Variants in SMPDL3B observed in about 807,000 individuals in gnomAD.
SMPDL3B encodes the protein sphingomyelin phosphodiesterase acid like 3B, also known as acid sphingomyelinase-like phosphodiesterase 3b.
Under a neutral mutation model 37.9 loss-of-function variants are expected in SMPDL3B, and 31 were observed. The ratio of observed to expected loss-of-function variants is 0.82; its 90% CI spans 0.61 to 1.10. SMPDL3B has a LOEUF of 1.10. Among genes scored for constraint, SMPDL3B ranks in the 50% least tolerant of loss-of-function variants. The pLI is 0.00. For missense variants in SMPDL3B, 525 were observed against 597.8 expected, an observed-to-expected ratio of 0.88 and a Z score of 1.27; for synonymous variants, 235 against 242.6, an observed-to-expected ratio of 0.97 and a Z score of 0.29.
chr1:27,957,660 G>A (rs1371549560), intron 7 of SMPDL3B, among the ~76,000 whole-genome samples: 2 of 152,128 alleles, frequency 1.3e-5, no homozygotes, highest in African/African-American at 4.8e-5. Flanking sequence ...GGGGTTTAAA[G>A]AGTGGCCTGT....
intron 7 of SMPDL3B, chr1:27,956,338 G>A (rs1638274272): frequency 5.0e-6 from 7 of 1,390,652 alleles, no homozygotes; most frequent in Non-Finnish European, 6.7e-6. Context: ...CTCTGGCCCT[G>A]CCCTGCTATG....
chr1:27,942,380 G>A (rs1248986104), intron 1 of SMPDL3B: 2 of 469,964 alleles, frequency 4.3e-6, no homozygotes, highest in Non-Finnish European at 8.8e-6. Flanking sequence ...AGCCACTCAC[G>A]GTCTCAGCTC....
intron 1 of SMPDL3B, among the ~76,000 whole-genome samples, chr1:27,939,590 AG>A (rs2090340110): frequency 6.6e-6 from 1 of 152,142 alleles, no homozygotes; most frequent in South Asian, 2.1e-4. Context: ...AGGCCGAGGC[AG>A]GCAGATCACT....
intron 7 of SMPDL3B, chr1:27,956,475 C>G: frequency 8.3e-7 from 1 of 1,197,852 alleles, no homozygotes; most frequent in South Asian, 2.5e-5. Flanking sequence ...TCTCCTTGAC[C>G]TAGTACTCAA....
chr1:27,951,670 G>C (rs1278831770), intron 3 of SMPDL3B, among the ~76,000 whole-genome samples: 1 of 152,162 alleles, frequency 6.6e-6, no homozygotes, highest in East Asian at 1.9e-4. Context: ...AACATAGCAA[G>C]ACCCTGCTTC....
chr1:27,958,452 G>C lies in SMPDL3B; in HGVS notation c.1006-24G>C. On this transcript the variant is annotated intron_variant, in intron 7 of 7. Transcript: ENST00000373894. This position sits in a 1 kb window ranked among gnomAD's most constrained non-coding sequence, Gnocchi z 5.6. ...GGAAGCAGACAACTGCTCACAGCCG[G>C]TCTACCCCAAACCCTTTTTCCAGGA... is the stretch of plus-strand genomic sequence containing the variant. The C allele has an allele frequency of 6.3e-7, 1 of 1,578,288 alleles. No individual in the cohort carries two copies. Among genetic ancestry groups the C allele is most frequent in the South Asian group, 1.1e-5 (1 of 87,258 alleles).
chr1:27,958,495 T>C lies in SMPDL3B; in HGVS notation c.1025T>C (p.Met342Thr), dbSNP rs1638363225. ...LSLKDMVTYF[M>T]NLSQANAQGT... is the part of the protein sequence containing the mutation. ...TTCCAGGACATGGTGACCTACTTCA[T>C]GAACCTGAGCCAGGCGAATGCTCAG... Residue 342 changes from methionine to threonine, a missense_variant, in exon 8 of 8, where the codon ATG becomes ACG. By Grantham distance (81) the Met-to-Thr change is moderately conservative. Transcript: ENST00000373894. This position sits in a 1 kb window ranked among gnomAD's most constrained non-coding sequence, Gnocchi z 5.6. The C allele has an allele frequency of 6.2e-7, 1 of 1,604,298 alleles. No individual in the cohort carries two copies. The highest frequency in any genetic ancestry group is 8.5e-7 in the Non-Finnish European group (1 of 1,172,098).
At position 27,958,679 on chromosome 1, in the gene SMPDL3B, G is replaced by C; in HGVS notation, c.1209G>C (p.Gly403=). The C allele has an allele frequency of 1.2e-6, 2 of 1,613,976 alleles. No individual in the cohort carries two copies. Among genetic ancestry groups the C allele is most frequent in the South Asian group, 2.2e-5 (2 of 91,086 alleles). Residue 403 remains glycine (G), a synonymous_variant, in exon 8 of 8, where the codon GGG becomes GGC. Coordinates refer to ENST00000373894, the MANE Select transcript of SMPDL3B (RefSeq NM_014474.4). The surrounding 1 kb of genome is among the most constrained non-coding windows in gnomAD (Gnocchi z 5.6). ...YVYNSVSYSA[G]VCDEACSMQH... ...ATAACTCAGTCAGCTACTCTGCTGG[G>C]GTCTGCGACGAGGCCTGCAGCATGC...
chr1:27,944,674 C>T lies in SMPDL3B; in HGVS notation c.62-558C>T, dbSNP rs142919520. On this transcript the variant is annotated intron_variant, in intron 1 of 7. Transcript: ENST00000373894. The stretch of plus-strand genomic sequence containing the variant: ...CCCGGGCTTTGCTGGTATTGCTTAG[C>T]AAGGTTTTCCAGCTCATTTGGTGTG... 5.0e-3 allele frequency among the ~76,000 whole-genome samples: 755 copies of T among 152,052 alleles called. 4 individuals are homozygous for T. Among genetic ancestry groups the T allele is most frequent in the Non-Finnish European group, 8.1e-3 (549 of 67,968 alleles).
chr1:27,949,167 G>T lies in SMPDL3B; in HGVS notation c.373+5G>T. On this transcript the variant is annotated splice_donor_5th_base_variant and intron_variant, in intron 3 of 7. Coordinates refer to ENST00000373894, the MANE Select transcript of SMPDL3B (RefSeq NM_014474.4). The stretch of plus-strand genomic sequence containing the variant: ...TCATCAGAGAGGTCTTTCCAGGTAA[G>T]ACTGTGCCATCAGTCCCTCCACAGT... The T allele has an allele frequency of 6.2e-7, 1 of 1,614,098 alleles. No individual in the cohort carries two copies. The highest frequency in any genetic ancestry group is 1.1e-5 in the South Asian group (1 of 91,070).
intron 5 of SMPDL3B, 148 bp from the exon 6 acceptor site, chr1:27,955,536 T>A (rs1348000920): frequency 1.3e-6 from 1 of 741,154 alleles, no homozygotes. Context: ...AGGGAGAAAG[T>A]GGGACATGGA....
chr1:27,941,106 C>T (rs962590859), intron 1 of SMPDL3B, among the ~76,000 whole-genome samples: 3 of 152,202 alleles, frequency 2.0e-5, no homozygotes, highest in Admixed American at 2.0e-4. Context: ...TCCTGACATG[C>T]TAATTAGAGC....
At chr1:27,950,372 T>C (rs901935596) in intron 3 of SMPDL3B, among the ~76,000 whole-genome samples, 5 of 152,182 alleles carry the variant, frequency 3.3e-5, no homozygotes, top group African/African-American at 1.2e-4. Context: ...GGACTCAAAC[T>C]CAGATCCAAC....
Position 27,946,348 on chromosome 1 carries a change from T to C in SMPDL3B, c.275+903T>C, listed in dbSNP as rs138421105. ...CAGCCTGAGTGACACAGCAAGACTCTGTCTCAAAAAAAAAAAAGAAAGAAA... is the reference window on the plus strand; with the variant it reads ...CAGCCTGAGTGACACAGCAAGACTCCGTCTCAAAAAAAAAAAAGAAAGAAA... On this transcript the variant is annotated intron_variant, in intron 2 of 7. Coordinates refer to ENST00000373894, the MANE Select transcript of SMPDL3B (RefSeq NM_014474.4). Among the ~76,000 whole-genome samples, 737 of 150,498 alleles carry C rather than the reference T, an allele frequency of 4.9e-3. 3 individuals are homozygous for C. The highest frequency in any genetic ancestry group is 0.017 in the Middle Eastern group (5 of 294).
intron 7 of SMPDL3B, 191 bp downstream of exon 7, chr1:27,956,273 C>A (rs1638272233): frequency 1.3e-6 from 2 of 1,522,174 alleles, no homozygotes; most frequent in African/African-American, 2.8e-5. Flanking sequence ...CAGTGCCTCA[C>A]CAAGTCACCT....
In SMPDL3B at chr1:27,935,089, A is replaced by G. The variant is rs3737808; in HGVS notation, c.-95A>G. 1 of 911,814 alleles carries G rather than the reference A, an allele frequency of 1.1e-6. No individual in the cohort carries two copies. The highest frequency in any genetic ancestry group is 1.4e-5 in the South Asian group (1 of 69,624). 56.5% of individuals were successfully genotyped at this position (911,814 alleles called of 1,614,324 possible). On this transcript the variant is annotated 5_prime_UTR_variant, in exon 1 of 8. Coordinates refer to ENST00000373894, the MANE Select transcript of SMPDL3B (RefSeq NM_014474.4). ...TGTAACAGGACAAGGAGTTCTGCTCAGGCACGTGGCCACAGAAAACTACTT... is the reference window on the plus strand; with the variant it reads ...TGTAACAGGACAAGGAGTTCTGCTCGGGCACGTGGCCACAGAAAACTACTT...
Position 27,958,637 on chromosome 1 carries a change from G to T in SMPDL3B, c.1167G>T (p.Leu389=), listed in dbSNP as rs1363603804. ...GCATCGCTGGCGACCAGAGCACACT[G>T]CAGCGCTACTACGTCTATAACTCAG... ...LDRIAGDQST[L]QRYYVYNSVS... The change falls in exon 8 of 8, where the codon CTG becomes CTT. Residue 389 remains leucine (L), a synonymous_variant. Transcript: ENST00000373894. This position sits in a 1 kb window ranked among gnomAD's most constrained non-coding sequence, Gnocchi z 5.6. The T allele has an allele frequency of 6.2e-7, 1 of 1,613,880 alleles. No homozygotes were observed. The highest frequency in any genetic ancestry group is 1.3e-5 in the African/African-American group (1 of 75,074).
In SMPDL3B at chr1:27,945,499, C is replaced by T. The variant is rs2090399614; in HGVS notation, c.275+54C>T. 3 of 1,418,376 alleles carry T rather than the reference C, an allele frequency of 2.1e-6. No homozygotes were observed. The highest frequency in any genetic ancestry group is 3.0e-6 in the Non-Finnish European group (3 of 1,007,002). 87.9% of individuals were successfully genotyped at this position (1,418,376 alleles called of 1,614,324 possible). Reference sequence around the variant, plus strand: ...TTTGCCAGGCATCTGCTATGTGCTACATACCAGTCTGGCCCTTTGCCCACA... The same window carrying T: ...TTTGCCAGGCATCTGCTATGTGCTATATACCAGTCTGGCCCTTTGCCCACA... On this transcript the variant is annotated intron_variant, in intron 2 of 7. Transcript: ENST00000373894. The surrounding 1 kb of genome is among the most constrained non-coding windows in gnomAD (Gnocchi z 4.0).
chr1:27,935,763 GA>G (rs2090302367), intron 1 of SMPDL3B, among the ~76,000 whole-genome samples: 1 of 152,190 alleles, frequency 6.6e-6, no homozygotes, highest in Admixed American at 6.5e-5. Flanking sequence ...GTACTTACAA[GA>G]CGTCCAGAGA....
Sources: gnomAD v4.1 joint callset for allele counts (sites outside exome capture counted in the v4.1 genomes callset) on GRCh38, gnomAD v4.1.1 for gene constraint, Gnocchi (gnomAD v3.1) non-coding constraint, MANE v1.5 for transcripts, NCBI Gene and HGNC (gene_info 2026-07-23, HGNC 2026-07-21) for gene names.